The following SBF2 variants were observed in gnomAD, a reference collection of about 807,000 sequenced individuals.
SBF2 encodes myotubularin-related protein 13.
SBF2 carries 112 observed loss-of-function variants against 225.2 expected under a neutral mutation model. The ratio of observed to expected loss-of-function variants is 0.50; its 90% CI spans 0.43 to 0.58. SBF2 has a LOEUF of 0.58. Among genes scored for constraint, SBF2 ranks in the 20% least tolerant of loss-of-function variants. The pLI is 0.00. For missense variants in SBF2, 1,996 were observed against 2,206.2 expected, an observed-to-expected ratio of 0.90 and a Z score of 1.91; for synonymous variants, 763 against 773.3, an observed-to-expected ratio of 0.99 and a Z score of 0.22.
chr11:9,784,055 C>CAGCAAGAGATATTTG (rs1319066431), intron 38 of SBF2, among the ~76,000 whole-genome samples: 3 of 152,150 alleles, frequency 2.0e-5, no homozygotes, highest in African/African-American at 7.2e-5. Context: ...TAAGATCAGG[C>CAGCAAGAGATATTTG]AGCAAGAGAT....
chr11:10,156,760 A>C (rs1306748051), intron 2 of SBF2, among the ~76,000 whole-genome samples: 3 of 152,246 alleles, frequency 2.0e-5, no homozygotes, highest in Non-Finnish European at 2.9e-5. Flanking sequence ...TGCCCAGAGA[A>C]ATCAGAGATG....
chr11:10,136,228 C>T (rs766870999), intron 2 of SBF2, among the ~76,000 whole-genome samples: 15 of 152,254 alleles, frequency 9.9e-5, no homozygotes, highest in Non-Finnish European at 1.6e-4. Flanking sequence ...AGGTCCCCCC[C>T]AACAACACAT....
At chr11:10,177,420 C>G (rs1956518607) in intron 2 of SBF2, among the ~76,000 whole-genome samples, 2 of 149,266 alleles carry the variant, frequency 1.3e-5, no homozygotes, top group African/African-American at 2.5e-5. Context: ...TTGCAGACGA[C>G]ATGATTGTAT....
intron 1 of SBF2, among the ~76,000 whole-genome samples, chr11:10,274,750 C>CAAAA (rs200010291): frequency 9.5e-6 from 1 of 105,058 alleles, no homozygotes; most frequent in Non-Finnish European, 1.9e-5. Flanking sequence ...GACTCCATCT[C>CAAAA]AAAAAAAAAA....
intron 17 of SBF2, among the ~76,000 whole-genome samples, chr11:9,891,782 A>C (rs1408182050): frequency 3.9e-5 from 6 of 152,354 alleles, no homozygotes; most frequent in Non-Finnish European, 8.8e-5. Flanking sequence ...ATCCAGGGGA[A>C]AAAATAATTT....
intron 2 of SBF2, among the ~76,000 whole-genome samples, chr11:10,152,278 C>T (rs746258884): frequency 2.6e-5 from 4 of 152,100 alleles, no homozygotes; most frequent in East Asian, 1.9e-4. Context: ...AGGCCGGGAG[C>T]GGTGGCTCAC....
chr11:9,946,011 A>G (rs1310602176), intron 16 of SBF2, among the ~76,000 whole-genome samples: 1 of 152,206 alleles, frequency 6.6e-6, no homozygotes, highest in Non-Finnish European at 1.5e-5. Flanking sequence ...CAGCCACAGT[A>G]GAAAGCAGTA....
chr11:10,077,077 C>A (rs1473589726), intron 2 of SBF2, among the ~76,000 whole-genome samples: 1 of 152,154 alleles, frequency 6.6e-6, no homozygotes, highest in Non-Finnish European at 1.5e-5. Context: ...GGCTGCAAGG[C>A]CAACCTGCAG....
At chr11:9,993,584 C>T (rs559964765) in intron 10 of SBF2, among the ~76,000 whole-genome samples, 4 of 152,344 alleles carry the variant, frequency 2.6e-5, no homozygotes, top group South Asian at 4.1e-4. Flanking sequence ...GTAAGCATCT[C>T]TTTTGTTTTG....
At chr11:10,208,393 C>T (rs1957816277) in intron 1 of SBF2, among the ~76,000 whole-genome samples, 1 of 152,012 alleles carries the variant, frequency 6.6e-6, no homozygotes, top group African/African-American at 2.4e-5. Flanking sequence ...CAAAGAACTC[C>T]CGGCTACTTC....
chr11:10,250,626 A>ATGTTAT (rs1266346636), intron 1 of SBF2, among the ~76,000 whole-genome samples: 1 of 152,208 alleles, frequency 6.6e-6, no homozygotes, highest in East Asian at 1.9e-4. Flanking sequence ...TGTCATTTTC[A>ATGTTAT]ATGCATGTTT....
chr11:10,230,509 G>A (rs1351097139), intron 1 of SBF2, among the ~76,000 whole-genome samples: 2 of 152,096 alleles, frequency 1.3e-5, no homozygotes, highest in Middle Eastern at 3.2e-3. Context: ...AGGCCTGGTG[G>A]CGACAAAATC....
chr11:9,889,972 C>T (rs928373719), intron 17 of SBF2, among the ~76,000 whole-genome samples: 2 of 152,106 alleles, frequency 1.3e-5, no homozygotes, highest in Admixed American at 6.6e-5. Flanking sequence ...GGCGTAATCT[C>T]GGCTAACTGC....
At position 9,784,380 on chromosome 11, in the gene SBF2, A is replaced by G. The variant is rs1230773439; in HGVS notation, c.5290T>C (p.Trp1764Arg). ...GALLKGWKPRWFVLDVTKHQL... is the reference protein window; with the variant it reads ...GALLKGWKPRRFVLDVTKHQL... ...TGTTTTGTTACATCCAAAACAAACC[A>G]ACGGGGCTTCCAACCTTTCAGCAAA... The change falls in exon 38 of 40, where the codon TGG (tryptophan) becomes CGG (arginine). Residue 1764 changes from tryptophan to arginine, a missense_variant. Physicochemically the swap from Trp to Arg is moderately radical, Grantham distance 101. Coordinates refer to ENST00000256190, the MANE Select transcript of SBF2 (RefSeq NM_030962.4). 1 of 1,614,062 alleles carries G rather than the reference A, an allele frequency of 6.2e-7. No homozygotes were observed. The highest frequency in any genetic ancestry group is 8.5e-7 in the Non-Finnish European group (1 of 1,179,988).
intron 1 of SBF2, among the ~76,000 whole-genome samples, chr11:10,287,444 G>T (rs6484161): frequency 0.27 from 41,488 of 151,648 alleles, 6,390 homozygotes; most frequent in Non-Finnish European, 0.36. Context: ...ACCACGCCAG[G>T]CTATTTTTTT....
At chr11:9,914,907 TG>T (rs145786716) in intron 16 of SBF2, among the ~76,000 whole-genome samples, 6 of 102,346 alleles carry the variant, frequency 5.9e-5, no homozygotes, top group African/African-American at 2.3e-4. Flanking sequence ...GTGTTTATAG[TG>T]GGGGGGGCTA....
At chr11:10,062,877 AC>A (rs1201878827) in intron 2 of SBF2, among the ~76,000 whole-genome samples, 3 of 152,206 alleles carry the variant, frequency 2.0e-5, no homozygotes, top group Non-Finnish European at 4.4e-5. Context: ...TACCATAAAG[AC>A]CCAGACACGT....
rs1866375828 is a variant in SBF2, at chr11:9,958,886, T to A, written c.1860+3071A>T. ...CTCCTGGCCAACAGTCTGGGGAATGTGTATGCTGGCACTATGATGGGCTAT... is the reference window on the plus strand; with the variant it reads ...CTCCTGGCCAACAGTCTGGGGAATGAGTATGCTGGCACTATGATGGGCTAT... On this transcript the variant is annotated intron_variant, in intron 16 of 39. Transcript: ENST00000256190. 5.9e-6 allele frequency: 4 copies of A among 680,262 alleles called. No individual in the cohort carries two copies. The South Asian group carries it at 6.2e-5, about 11-fold the overall frequency. 42.1% of individuals were successfully genotyped at this position (680,262 alleles called of 1,614,324 possible).
intron 16 of SBF2, among the ~76,000 whole-genome samples, chr11:9,953,580 C>T (rs1865985224): frequency 6.6e-6 from 1 of 152,154 alleles, no homozygotes; most frequent in Non-Finnish European, 1.5e-5. Flanking sequence ...ATAAGGATTA[C>T]TTTATTCTTT....
Sources: gnomAD v4.1 joint callset for allele counts (sites outside exome capture counted in the v4.1 genomes callset) on GRCh38, gnomAD v4.1.1 for gene constraint, MANE v1.5 for transcripts, NCBI Gene and HGNC (gene_info 2026-07-23, HGNC 2026-07-21) for gene names.